The following CHCHD6 variants were observed in gnomAD, a reference collection of about 807,000 sequenced individuals.
CHCHD6 encodes the protein coiled-coil-helix-coiled-coil-helix domain containing 6, also known as MICOS complex subunit MIC25.
In CHCHD6, 28 loss-of-function variants were observed where a neutral mutation model predicts 32.3. That is an observed-to-expected ratio of 0.87 (90% CI 0.64 to 1.19). The LOEUF is 1.19. Ranked by LOEUF, CHCHD6 falls within the 50% of genes most tolerant of loss-of-function variation. The probability of loss-of-function intolerance (pLI) is 0.00; values close to 1 mark genes in which losing one functional copy is unlikely to be tolerated. For missense variants in CHCHD6, 333 were observed against 307.0 expected (o/e 1.08, Z -0.63); for synonymous variants, 122 against 117.5 (o/e 1.04, Z -0.25).
Position 126,845,765 on chromosome 3 carries a change from A to G in CHCHD6, c.412-6882A>G, listed in dbSNP as rs776952715. The stretch of plus-strand genomic sequence containing the variant: ...ATGAATTCATGCCATATCATGCTAG[A>G]AATGGATTTCTAGCATTTCCATTTG... On this transcript the variant is annotated intron_variant, in intron 4 of 7. Transcript: ENST00000290913. 3.2e-4 allele frequency among the ~76,000 whole-genome samples: 49 copies of G among 152,174 alleles called. 1 individual carries two copies. Among genetic ancestry groups the G allele is most frequent in the Non-Finnish European group, 5.1e-4 (35 of 68,018 alleles).
intron 6 of CHCHD6, among the ~76,000 whole-genome samples, chr3:126,930,211 C>G (rs1259442843): frequency 6.6e-6 from 1 of 152,262 alleles, no homozygotes; most frequent in Non-Finnish European, 1.5e-5. Context: ...GTGATCACCT[C>G]TTCCTTTTCC....
At chr3:126,715,537 A>G (rs1253727530) in intron 1 of CHCHD6, among the ~76,000 whole-genome samples, 1 of 152,046 alleles carries the variant, frequency 6.6e-6, no homozygotes, top group East Asian at 1.9e-4. Context: ...AGGCTCTTGT[A>G]TGCCTGGGAT....
chr3:126,916,384 G>A (rs1355151134), intron 6 of CHCHD6, among the ~76,000 whole-genome samples: 1 of 140,906 alleles, frequency 7.1e-6, no homozygotes, highest in Non-Finnish European at 1.5e-5. Context: ...CTGGGCAACA[G>A]AGTGAGAATC....
At chr3:126,767,398 T>A (rs913080813) in intron 4 of CHCHD6, 2 of 748,434 alleles carry the variant, frequency 2.7e-6, no homozygotes, top group African/African-American at 3.4e-5. Flanking sequence ...CCTCGATGAG[T>A]CTGGGGGCTC....
Position 126,831,728 on chromosome 3 carries a change from C to T in CHCHD6, c.412-20919C>T, listed in dbSNP as rs548956346. ...GTGCTTCAGAATTGTTCTAAATTTC[C>T]GTGCGAAAGGGGAGACTCTGCCAAT... On this transcript the variant is annotated intron_variant, in intron 4 of 7. Coordinates refer to ENST00000290913, the MANE Select transcript of CHCHD6 (RefSeq NM_032343.3). Among the ~76,000 whole-genome samples the T allele has an allele frequency of 2.7e-4, 41 of 152,296 alleles. 1 individual carries two copies. The East Asian group carries it at 5.6e-3, about 21-fold the overall frequency.
chr3:126,718,489 T>TA (rs1935128955), intron 1 of CHCHD6, among the ~76,000 whole-genome samples: 1 of 152,192 alleles, frequency 6.6e-6, no homozygotes, highest in Non-Finnish European at 1.5e-5. Flanking sequence ...ACACAGCTGG[T>TA]ATGCAGCTTA....
intron 6 of CHCHD6, among the ~76,000 whole-genome samples, chr3:126,956,667 G>A (rs967760009): frequency 1.3e-5 from 2 of 152,032 alleles, no homozygotes; most frequent in African/African-American, 4.8e-5. Flanking sequence ...ATTACGCTCA[G>A]GAGGCTGGGC....
Position 126,704,380 on chromosome 3 carries a change from G to A in CHCHD6, c.68G>A (p.Arg23Gln). The A allele has an allele frequency of 6.4e-7, 1 of 1,562,954 alleles. No individual in the cohort carries two copies. Among genetic ancestry groups the A allele is most frequent in the Non-Finnish European group, 8.7e-7 (1 of 1,155,354 alleles). ...SFGVDEEERV[R>Q]VLQGVRLSEN... Reference sequence around the variant, plus strand: ...GGAGTGGACGAGGAGGAGCGGGTCCGGGTGCTGCAGGGTGTCCGGGTGAGC... The same window carrying A: ...GGAGTGGACGAGGAGGAGCGGGTCCAGGTGCTGCAGGGTGTCCGGGTGAGC... The change falls in exon 1 of 8, where the codon CGG (arginine) becomes CAG (glutamine). Residue 23 changes from arginine to glutamine, a missense_variant. Physicochemically the swap from Arg to Gln is conservative, Grantham distance 43. Transcript: ENST00000290913.
At chr3:126,767,206 T>G in intron 4 of CHCHD6, 2 of 1,583,126 alleles carry the variant, frequency 1.3e-6, no homozygotes, top group South Asian at 1.1e-5. Flanking sequence ...CAAAGGCCAT[T>G]TTGGTAATTG....
rs147125499 is a variant in CHCHD6, at chr3:126,856,623, T to C, written c.495+3893T>C. Among the ~76,000 whole-genome samples the C allele has an allele frequency of 6.1e-3, 929 of 152,328 alleles. 9 individuals carry two copies. Among genetic ancestry groups the C allele is most frequent in the African/African-American group, 0.021 (888 of 41,576 alleles). Reference sequence around the variant, plus strand: ...GAGTGGGATTTACTCACACCATGCCTGGATTCAGGTATTATGGGGCTAAGG... The same window carrying C: ...GAGTGGGATTTACTCACACCATGCCCGGATTCAGGTATTATGGGGCTAAGG... On this transcript the variant is annotated intron_variant, in intron 5 of 7. Transcript: ENST00000290913.
chr3:126,911,997 G>T (rs2078097626), intron 5 of CHCHD6, among the ~76,000 whole-genome samples: 1 of 152,216 alleles, frequency 6.6e-6, no homozygotes, highest in African/African-American at 2.4e-5. Flanking sequence ...AATTGTGGGG[G>T]GCGGGGCTTA....
chr3:126,834,565 A>G (rs1940777703), intron 4 of CHCHD6, among the ~76,000 whole-genome samples: 1 of 151,938 alleles, frequency 6.6e-6, no homozygotes, highest in South Asian at 2.1e-4. Context: ...GCATCATTGT[A>G]CTCTTGCTAC....
chr3:126,911,539 A>C (rs1271534106), intron 5 of CHCHD6, among the ~76,000 whole-genome samples: 1 of 152,250 alleles, frequency 6.6e-6, no homozygotes, highest in Non-Finnish European at 1.5e-5. Context: ...TAGGCAGATT[A>C]GATGAGTGGG....
intron 4 of CHCHD6, among the ~76,000 whole-genome samples, chr3:126,840,807 T>C (rs911794027): frequency 1.3e-5 from 2 of 152,110 alleles, no homozygotes; most frequent in African/African-American, 4.8e-5. Flanking sequence ...CCTCTTGAAA[T>C]AGAGATTATA....
Position 126,913,207 on chromosome 3 carries a change from C to CTTTTTTT in CHCHD6, c.496-1442_496-1436dup, listed in dbSNP as rs546179022. On this transcript the variant is annotated intron_variant, in intron 5 of 7. Transcript: ENST00000290913. The stretch of plus-strand genomic sequence containing the variant: ...GGATAATCATGCTGCCCGTATGAGC[C>CTTTTTTT]TTTTTTTTTTTTTTTTTTTTTTTTT... 2.7e-4 allele frequency among the ~76,000 whole-genome samples: 9 copies of CTTTTTTT among 33,786 alleles called. 1 individual carries two copies. Among genetic ancestry groups the CTTTTTTT allele is most frequent in the African/African-American group, 6.5e-4 (5 of 7,642 alleles). The allele number at this position is 33,786 out of a possible 152,430, so 22.2% of individuals were successfully genotyped here. A position where few individuals can be genotyped will look rare whatever the true frequency, so the allele number is the denominator to read the frequency against.
At chr3:126,777,673 C>A (rs2053819) in intron 4 of CHCHD6, among the ~76,000 whole-genome samples, 1 of 152,188 alleles carries the variant, frequency 6.6e-6, no homozygotes, top group Non-Finnish European at 1.5e-5. Flanking sequence ...GTAGCAGGCA[C>A]GTTGAGCTCC....
chr3:126,863,335 T>TCCATCACCTCCTCCTCCTCTA (rs1942035730), intron 5 of CHCHD6, among the ~76,000 whole-genome samples: 2 of 37,294 alleles, frequency 5.4e-5, no homozygotes, highest in Non-Finnish European at 1.0e-4. Flanking sequence ...CTCCTCCTCC[T>TCCATCACCTCCTCCTCCTCTA]CCATCACCTC....
intron 6 of CHCHD6, among the ~76,000 whole-genome samples, chr3:126,943,779 C>G (rs529854300): frequency 4.7e-4 from 72 of 152,076 alleles, no homozygotes; most frequent in African/African-American, 1.7e-3. Flanking sequence ...TGAATGTGCT[C>G]GAGGAAGACA....
At chr3:126,838,195 G>T (rs1940937044) in intron 4 of CHCHD6, among the ~76,000 whole-genome samples, 1 of 152,244 alleles carries the variant, frequency 6.6e-6, no homozygotes, top group Non-Finnish European at 1.5e-5. Context: ...AGATGGTCTT[G>T]TAATAGAATG....
Sources: allele counts gnomAD v4.1 joint callset (sites outside exome capture counted in the v4.1 genomes callset), GRCh38; gene constraint gnomAD v4.1.1; transcripts MANE v1.5; gene names NCBI Gene and HGNC (gene_info 2026-07-23, HGNC 2026-07-21).